The following PACSIN3 variants were observed in gnomAD, a reference collection of about 807,000 sequenced individuals.
PACSIN3 encodes the protein protein kinase C and casein kinase substrate in neurons protein 3.
Under a neutral mutation model 56.1 loss-of-function variants are expected in PACSIN3, and 34 were observed. That is an observed-to-expected ratio of 0.61 (90% confidence interval 0.46 to 0.81). The LOEUF is 0.81. PACSIN3 is among the 30% of genes least tolerant of loss of function. PACSIN3 has a pLI of 0.00. For synonymous variants in PACSIN3, 218 were observed against 229.8 expected (o/e 0.95, Z 0.46); for missense variants, 535 against 592.4 (o/e 0.90, Z 1.01).
At position 47,182,523 on chromosome 11, in the gene PACSIN3, C is replaced by T. The variant is rs1953046806; in HGVS notation, c.91G>A (p.Asp31Asn). ...AGGTCCCCGCACAGCCGGTGCCCGT[C>T]CTCCACCCGCTGTACCGTGCGCCTG... The part of the protein sequence containing the change: ...NYRRTVQRVE[D>N]GHRLCGDLVS... Residue 31 changes from aspartate (D) to asparagine (N), a missense_variant, in exon 4 of 11, where the codon GAC (aspartate) becomes AAC (asparagine). Physicochemically the swap from Asp to Asn is conservative, Grantham distance 23 (BLOSUM62 1). Coordinates refer to ENST00000298838, the MANE Select transcript of PACSIN3 (RefSeq NM_016223.5). 6.2e-7 allele frequency: 1 copy of T among 1,612,978 alleles called. No homozygotes were observed. The highest frequency in any genetic ancestry group is 1.1e-5 in the South Asian group (1 of 91,072).
rs1379658541 is a variant in PACSIN3 at position 47,178,129 on chromosome 11, G to A, written c.1160-83C>T. Reference sequence around the variant, plus strand: ...ACTGGGTCAAGGACTGAGGGGGATGGTGTGGTCCCAGAGCCCAGCTAGCAA... The same window carrying A: ...ACTGGGTCAAGGACTGAGGGGGATGATGTGGTCCCAGAGCCCAGCTAGCAA... On this transcript the variant is annotated intron_variant, in intron 10 of 10. Transcript: ENST00000298838. The surrounding 1 kb of genome is among the most constrained non-coding windows in gnomAD (Gnocchi z 4.2). 30 of 1,319,296 alleles carry A rather than the reference G, an allele frequency of 2.3e-5. No individual in the cohort carries two copies. Among genetic ancestry groups the A allele is most frequent in the Non-Finnish European group, 2.8e-5 (26 of 937,310 alleles). 81.7% of individuals were successfully genotyped at this position (1,319,296 alleles called of 1,614,324 possible). A position where few individuals can be genotyped will look rare whatever the true frequency, so the allele number is the denominator to read the frequency against.
At position 47,180,442 on chromosome 11, in the gene PACSIN3, C is replaced by G. The variant is rs375388386; in HGVS notation, c.447+13G>C. 1.9e-6 allele frequency: 3 copies of G among 1,592,486 alleles called. No homozygotes were observed. The highest frequency in any genetic ancestry group is 1.7e-6 in the Non-Finnish European group (2 of 1,171,628). Reference sequence around the variant, plus strand: ...AGGAGCCTGTCTCGGATACCTCCCCCACCCAGCCTCACCTCCTTCAGCCTC... The same window carrying G: ...AGGAGCCTGTCTCGGATACCTCCCCGACCCAGCCTCACCTCCTTCAGCCTC... On this transcript the variant is annotated intron_variant, in intron 5 of 10. Transcript: ENST00000298838.
chr11:47,179,660 A>T lies in PACSIN3; in HGVS notation c.604-74T>A. 6.8e-7 allele frequency: 1 copy of T among 1,478,194 alleles called. No homozygotes were observed. Among genetic ancestry groups the T allele is most frequent in the Non-Finnish European group, 9.2e-7 (1 of 1,083,532 alleles). The allele number at this position is 1,478,194 out of a possible 1,614,324, so 91.6% of individuals were successfully genotyped here. ...AGGACTCCACCAGTGTTTACCAGAC[A>T]CTGCCATAGGCTGCTAGACCCAGGG... On this transcript the variant is annotated intron_variant, in intron 6 of 10. Transcript: ENST00000298838. This position sits in a 1 kb window ranked among gnomAD's most constrained non-coding sequence, Gnocchi z 4.4.
chr11:47,183,428 G>C (rs1045799131), intron 1 of PACSIN3: 1 of 152,364 alleles, frequency 6.6e-6, no homozygotes, highest in African/African-American at 2.4e-5. Context: ...CCTGGCTTCT[G>C]TGTTGGCCAG....
intron 1 of PACSIN3, chr11:47,185,136 GCAA>G (rs1953095177): frequency 6.6e-6 from 1 of 152,468 alleles, no homozygotes; most frequent in Non-Finnish European, 1.5e-5. Flanking sequence ...AGCAGGTAAT[GCAA>G]TCTTCCCAGC....
At position 47,179,790 on chromosome 11, in the gene PACSIN3, G is replaced by A. The variant is rs1301358016; in HGVS notation, c.604-204C>T. 1.7e-6 allele frequency: 1 copy of A among 587,594 alleles called. No homozygotes were observed. The highest frequency in any genetic ancestry group is 3.0e-6 in the Non-Finnish European group (1 of 333,180). 36.4% of individuals were successfully genotyped at this position (587,594 alleles called of 1,614,324 possible). Reference sequence around the variant, plus strand: ...CAGGCACAGCATATAAAAGAGTCTGGTGAGGATTGAAATGAGGTCAACCTA... The same window carrying A: ...CAGGCACAGCATATAAAAGAGTCTGATGAGGATTGAAATGAGGTCAACCTA... On this transcript the variant is annotated intron_variant, in intron 6 of 10. Transcript: ENST00000298838. The surrounding 1 kb of genome is among the most constrained non-coding windows in gnomAD (Gnocchi z 4.4).
rs1330312216 is a variant in PACSIN3, at chr11:47,179,380, C to T, written c.779+31G>A. The T allele has an allele frequency of 6.2e-7, 1 of 1,613,430 alleles. No individual in the cohort carries two copies. The highest frequency in any genetic ancestry group is 1.3e-5 in the African/African-American group (1 of 74,892). ...AGATGGAGGAGACCCAGTACTACCC[C>T]AGATCTCCATGCCCACCAGGCAGTT... On this transcript the variant is annotated intron_variant, in intron 7 of 10. Coordinates refer to ENST00000298838, the MANE Select transcript of PACSIN3 (RefSeq NM_016223.5). The surrounding 1 kb of genome is among the most constrained non-coding windows in gnomAD (Gnocchi z 4.4).
rs2135448931 is a variant in PACSIN3 at position 47,178,084 on chromosome 11, G to T, written c.1160-38C>A. ...GGATTGGTCACTGCCAGTGGCCCTG[G>T]CCCAGGCCCTGTTCCTGCAACTGGG... On this transcript the variant is annotated intron_variant, in intron 10 of 10. Coordinates refer to ENST00000298838, the MANE Select transcript of PACSIN3 (RefSeq NM_016223.5). This position sits in a 1 kb window ranked among gnomAD's most constrained non-coding sequence, Gnocchi z 4.2. The T allele has an allele frequency of 6.5e-7, 1 of 1,547,952 alleles. No homozygotes were observed. Among genetic ancestry groups the T allele is most frequent in the African/African-American group, 1.4e-5 (1 of 73,566 alleles).
chr11:47,182,695 G>T lies in PACSIN3; in HGVS notation c.33C>A (p.Ala11=). 6.2e-7 allele frequency: 1 copy of T among 1,612,820 alleles called. No homozygotes were observed. The highest frequency in any genetic ancestry group is 8.5e-7 in the Non-Finnish European group (1 of 1,179,374). MAPEEDAGGE[A]LGGSFWEAGN... is the part of the protein sequence containing the mutation. ...TCACCTCCCAGAAACTGCCCCCTAA[G>T]GCCTCCCCTCCAGCGTCCTCTTCTG... Residue 11 remains alanine (A), a synonymous_variant, in exon 3 of 11, where the codon GCC becomes GCA. Coordinates refer to ENST00000298838, the MANE Select transcript of PACSIN3 (RefSeq NM_016223.5).
At chr11:47,185,787 A>G (rs1056148380) in intron 1 of PACSIN3, 2 of 152,496 alleles carry the variant, frequency 1.3e-5, no homozygotes, top group African/African-American at 4.8e-5. Flanking sequence ...CCGGAGCTGC[A>G]TAACTCGGAG....
In PACSIN3 at chr11:47,183,032, C is replaced by T. The variant is rs1194509129; in HGVS notation, c.-66G>A. Reference sequence around the variant, plus strand: ...GGGCCTAGAGATCACTTCAAGGACCCGGGTGTCCAACTCTCAATGCTGCCA... The same window carrying T: ...GGGCCTAGAGATCACTTCAAGGACCTGGGTGTCCAACTCTCAATGCTGCCA... On this transcript the variant is annotated 5_prime_UTR_variant, in exon 2 of 11. Transcript: ENST00000298838. 25 of 328,084 alleles carry T rather than the reference C, an allele frequency of 7.6e-5. No homozygotes were observed. The highest frequency in any genetic ancestry group is 1.5e-4 in the Admixed American group (3 of 20,098). The allele number at this position is 328,084 out of a possible 1,614,324, so 20.3% of individuals were successfully genotyped here.
In PACSIN3 at chr11:47,178,493, G is replaced by A. The variant is rs762859569; in HGVS notation, c.1038-6C>T. 1.9e-6 allele frequency: 3 copies of A among 1,613,288 alleles called. No individual in the cohort carries two copies. Among genetic ancestry groups the A allele is most frequent in the South Asian group, 1.1e-5 (1 of 91,050 alleles). On this transcript the variant is annotated splice_region_variant and splice_polypyrimidine_tract_variant and intron_variant, in intron 9 of 10. Transcript: ENST00000298838. The surrounding 1 kb of genome is among the most constrained non-coding windows in gnomAD (Gnocchi z 4.2). ...ACTCCTCATCCTGCCCCGTGCTGGAGAGGGGAGGCAAAGGGAGCAGCTCAG... is the reference window on the plus strand; with the variant it reads ...ACTCCTCATCCTGCCCCGTGCTGGAAAGGGGAGGCAAAGGGAGCAGCTCAG...
At position 47,182,780 on chromosome 11, in the gene PACSIN3, G is replaced by A; in HGVS notation, c.-37-16C>T. 6.4e-7 allele frequency: 1 copy of A among 1,556,194 alleles called. No homozygotes were observed. Reference sequence around the variant, plus strand: ...GGATTTGGGGCTGTGGAGGGCAGAGGGGTAAGCAGGAAAGCTGGACATTAT... The same window carrying A: ...GGATTTGGGGCTGTGGAGGGCAGAGAGGTAAGCAGGAAAGCTGGACATTAT... On this transcript the variant is annotated splice_polypyrimidine_tract_variant and intron_variant, in intron 2 of 10. Transcript: ENST00000298838.
At chr11:47,185,774 C>G (rs1210118422) in intron 1 of PACSIN3, 3 of 152,530 alleles carry the variant, frequency 2.0e-5, no homozygotes, top group African/African-American at 7.2e-5. Flanking sequence ...GACCCCTTGC[C>G]GCCCGGAGCT....
rs754869570 is a variant in PACSIN3, at chr11:47,178,402, C to T, written c.1123G>A (p.Ala375Thr). Residue 375 changes from alanine to threonine, a missense_variant, in exon 10 of 11, where the codon GCT (alanine) becomes ACT (threonine). Physicochemically the swap from Ala to Thr is moderately conservative, Grantham distance 58. Transcript: ENST00000298838. The surrounding 1 kb of genome is among the most constrained non-coding windows in gnomAD (Gnocchi z 4.2). ...CTCAGCTCATCAGCTTCCTGGCCAG[C>T]GTAGTCATAGAGTGCCCTCACCCGA... is the stretch of plus-strand genomic sequence containing the variant. ...GVRVRALYDYAGQEADELSFR... is the reference protein window; with the variant it reads ...GVRVRALYDYTGQEADELSFR... The T allele has an allele frequency of 1.7e-5, 27 of 1,613,942 alleles. No individual in the cohort carries two copies. Among genetic ancestry groups the T allele is most frequent in the South Asian group, 2.2e-5 (2 of 91,090 alleles).
In PACSIN3 at chr11:47,178,012, C is replaced by G. The variant is rs376875354; in HGVS notation, c.1194G>C (p.Glu398Asp). The G allele has an allele frequency of 1.4e-5, 23 of 1,613,928 alleles. No individual in the cohort carries two copies. In the African/African-American group the frequency reaches 2.4e-4, roughly 17 times the overall value. ...EELLKMSEED[E>D]QGWCQGQLQS... ...GCAACTGGCCTTGGCACCAGCCCTGCTCGTCCTCCTCACTCATCTTCAGCA... is the reference window on the plus strand; with the variant it reads ...GCAACTGGCCTTGGCACCAGCCCTGGTCGTCCTCCTCACTCATCTTCAGCA... Residue 398 changes from glutamate (E) to aspartate (D), a missense_variant, in exon 11 of 11, where the codon GAG (glutamate) becomes GAC (aspartate). Glu to Asp is a conservative substitution (Grantham distance 45, BLOSUM62 2). Coordinates refer to ENST00000298838, the MANE Select transcript of PACSIN3 (RefSeq NM_016223.5). The surrounding 1 kb of genome is among the most constrained non-coding windows in gnomAD (Gnocchi z 4.2).
chr11:47,178,196 C>T lies in PACSIN3; in HGVS notation c.1160-150G>A. On this transcript the variant is annotated intron_variant, in intron 10 of 10. Transcript: ENST00000298838. The surrounding 1 kb of genome is among the most constrained non-coding windows in gnomAD (Gnocchi z 4.2). ...GAGGCAGGTCAAGGTCAGCAAGCTG[C>T]CCCACCCCAGACCCTGAATGCAGCC... The T allele has an allele frequency of 1.7e-6, 2 of 1,186,590 alleles. No individual in the cohort carries two copies. The highest frequency in any genetic ancestry group is 1.4e-5 in the South Asian group (1 of 72,734). The allele number at this position is 1,186,590 out of a possible 1,614,324, so 73.5% of individuals were successfully genotyped here.
chr11:47,178,548 A>C lies in PACSIN3; in HGVS notation c.1038-61T>G. ...CAAGGAACACGGGGCTGGAGATCTC[A>C]CCCAGGATCAGGGCAAAGGCCTCCC... On this transcript the variant is annotated intron_variant, in intron 9 of 10. Coordinates refer to ENST00000298838, the MANE Select transcript of PACSIN3 (RefSeq NM_016223.5). The surrounding 1 kb of genome is among the most constrained non-coding windows in gnomAD (Gnocchi z 4.2). The C allele has an allele frequency of 6.3e-7, 1 of 1,581,510 alleles. No individual in the cohort carries two copies.
chr11:47,180,284 T>C lies in PACSIN3; in HGVS notation c.505A>G (p.Thr169Ala). The change falls in exon 6 of 11, where the codon ACG becomes GCG. Residue 169 changes from threonine (T) to alanine (A), a missense_variant. Transcript: ENST00000298838. ...AARKDEKTAQ[T>A]RESHAKADSA... ...TCTGCCTTTGCGTGGCTCTCCCTCG[T>C]CTGGGCGGTCTTCTCATCCTTCCGG... 1 of 1,603,222 alleles carries C rather than the reference T, an allele frequency of 6.2e-7. No homozygotes were observed. Among genetic ancestry groups the C allele is most frequent in the Non-Finnish European group, 8.5e-7 (1 of 1,179,960 alleles).
Sources: allele counts gnomAD v4.1 joint callset, GRCh38; gene constraint gnomAD v4.1.1; non-coding constraint Gnocchi (gnomAD v3.1); transcripts MANE v1.5; gene names NCBI Gene and HGNC (gene_info 2026-07-23, HGNC 2026-07-21).